The following RNF130 variants were observed in gnomAD, a reference collection of about 807,000 sequenced individuals.
RNF130 encodes ring finger protein 130.
In RNF130, 21 loss-of-function variants were observed where a neutral mutation model predicts 44.6. That is an observed-to-expected ratio of 0.47 (90% confidence interval 0.33 to 0.68). The LOEUF is 0.68. Ranked by LOEUF, RNF130 falls within the 30% of genes least tolerant of loss-of-function variation. The pLI is 0.02. For synonymous variants in RNF130, 214 were observed against 210.4 expected (o/e 1.02, Z -0.15); for missense variants, 479 against 560.6 (o/e 0.85, Z 1.47).
intron 4 of RNF130, among the ~76,000 whole-genome samples, chr5:179,979,190 G>A (rs1409882677): frequency 6.6e-6 from 1 of 151,854 alleles, no homozygotes; most frequent in African/African-American, 2.4e-5. Flanking sequence ...TGTCACCGTG[G>A]TCACCACTCC....
At chr5:179,969,576 A>G (rs1328148127) in intron 6 of RNF130, among the ~76,000 whole-genome samples, 1 of 151,926 alleles carries the variant, frequency 6.6e-6, no homozygotes, top group East Asian at 1.9e-4. Flanking sequence ...ACCCTTTTAA[A>G]AGTGGACCAT....
At chr5:180,028,780 T>C (rs1315822694) in intron 2 of RNF130, among the ~76,000 whole-genome samples, 1 of 152,306 alleles carries the variant, frequency 6.6e-6, no homozygotes, top group African/African-American at 2.4e-5. Flanking sequence ...GTTGATTAAC[T>C]ATTTTTTTGT....
At chr5:179,947,930 GC>G (rs1762069011) in intron 7 of RNF130, among the ~76,000 whole-genome samples, 1 of 152,102 alleles carries the variant, frequency 6.6e-6, no homozygotes, top group Non-Finnish European at 1.5e-5. Context: ...GTGTAGCTCA[GC>G]CCTCAAATAG....
chr5:179,925,111 G>GT (rs1761687442), intron 7 of RNF130, among the ~76,000 whole-genome samples: 1 of 152,192 alleles, frequency 6.6e-6, no homozygotes, highest in Non-Finnish European at 1.5e-5. Context: ...CTCCACAGTG[G>GT]TATCTTTCAT....
intron 5 of RNF130, 80 bp downstream of exon 5, chr5:179,978,123 A>C: frequency 8.1e-7 from 1 of 1,232,748 alleles, no homozygotes; most frequent in South Asian, 1.2e-5. Flanking sequence ...GCTCAAAAGC[A>C]AGGGAGATGC....
chr5:179,961,678 T>C (rs1325819831), intron 8 of RNF130, among the ~76,000 whole-genome samples: 3 of 152,212 alleles, frequency 2.0e-5, no homozygotes, highest in Non-Finnish European at 4.4e-5. Context: ...CTTGTATTAC[T>C]ATCTTGCCTG....
At chr5:180,056,252 GGA>G (rs1764818363) in intron 1 of RNF130, among the ~76,000 whole-genome samples, 1 of 100,980 alleles carries the variant, frequency 9.9e-6, no homozygotes, top group Non-Finnish European at 2.4e-5. Context: ...GTATCTGTGG[GGA>G]AAAAAAAAAA....
chr5:179,981,156 A>C lies in RNF130; in HGVS notation c.694-956T>G, dbSNP rs1349837648. Among the ~76,000 whole-genome samples the C allele has an allele frequency of 2.0e-5, 3 of 147,550 alleles. No homozygotes were observed. The East Asian group carries it at 5.9e-4, about 29-fold the overall frequency. ...GCAAAGTAATAATCTAGTAAAGATA[A>C]ATAGGTGTAAAGAACAGGTATGTGA... On this transcript the variant is annotated intron_variant, in intron 3 of 8. Coordinates refer to ENST00000521389, the MANE Select transcript of RNF130 (RefSeq NM_018434.6).
intron 1 of RNF130, among the ~76,000 whole-genome samples, chr5:180,057,418 G>A (rs1301833446): frequency 6.6e-6 from 1 of 152,178 alleles, no homozygotes; most frequent in Non-Finnish European, 1.5e-5. Context: ...GCATGGTGGT[G>A]CATGCCTGTA....
chr5:179,961,746 T>A (rs1482255755), intron 8 of RNF130, among the ~76,000 whole-genome samples: 1 of 152,190 alleles, frequency 6.6e-6, no homozygotes, highest in Non-Finnish European at 1.5e-5. Flanking sequence ...AGTGTTTCCC[T>A]CTAAACTCAG....
intron 1 of RNF130, among the ~76,000 whole-genome samples, chr5:180,063,660 C>T (rs1765037194): frequency 6.6e-6 from 1 of 152,176 alleles, no homozygotes; most frequent in South Asian, 2.1e-4. Context: ...TGTCTTATTT[C>T]ATTACAAGAA....
At chr5:180,001,921 C>T (rs1025431450) in intron 3 of RNF130, among the ~76,000 whole-genome samples, 15 of 152,198 alleles carry the variant, frequency 9.9e-5, no homozygotes, top group East Asian at 3.9e-4. Context: ...GCTCAGTCAC[C>T]GCTCTATTTC....
At chr5:179,933,398 T>TTGTGTGTGTGTGTTTGTGTG (rs1761839388) in intron 7 of RNF130, among the ~76,000 whole-genome samples, 1 of 143,504 alleles carries the variant, frequency 7.0e-6, no homozygotes, top group South Asian at 2.3e-4. Context: ...ATAACCCTAT[T>TTGTGTGTGTGTGTTTGTGTG]TGTGTGTGTG....
At chr5:179,982,621 A>G (rs1232186811) in intron 3 of RNF130, among the ~76,000 whole-genome samples, 1 of 152,024 alleles carries the variant, frequency 6.6e-6, no homozygotes, top group Non-Finnish European at 1.5e-5. Context: ...TGCTTCCCAA[A>G]CTGGAGTACA....
chr5:180,006,376 G>C (rs1763463334), intron 3 of RNF130, among the ~76,000 whole-genome samples: 1 of 152,108 alleles, frequency 6.6e-6, no homozygotes, highest in African/African-American at 2.4e-5. Context: ...TCTGACACAG[G>C]AATGTTCCAT....
At chr5:179,959,529 G>A (rs1352771513) in intron 8 of RNF130, among the ~76,000 whole-genome samples, 1 of 151,940 alleles carries the variant, frequency 6.6e-6, no homozygotes, top group Non-Finnish European at 1.5e-5. Flanking sequence ...TCAGAAGACT[G>A]AGGCAGATAA....
chr5:180,052,778 G>T (rs1278851679), intron 1 of RNF130, among the ~76,000 whole-genome samples: 1 of 152,188 alleles, frequency 6.6e-6, no homozygotes, highest in African/African-American at 2.4e-5. Context: ...AGTCCCTACG[G>T]AGGATTACAG....
At chr5:179,913,571 T>TG (rs1423093277) in exon 8 of RNF130, 1 of 152,066 alleles carries the variant, frequency 6.6e-6, no homozygotes, top group East Asian at 1.9e-4. Flanking sequence ...CCAAGGCGGG[T>TG]GGCACCTTCC....
chr5:180,031,393 A>G lies in RNF130; in HGVS notation c.442+9060T>C, dbSNP rs1320204029. Among the ~76,000 whole-genome samples, 3 of 152,294 alleles carry G rather than the reference A, an allele frequency of 2.0e-5. No homozygotes were observed. The East Asian group carries it at 5.8e-4, about 29-fold the overall frequency. On this transcript the variant is annotated intron_variant, in intron 2 of 8. Transcript: ENST00000521389. Reference sequence around the variant, plus strand: ...TCCCAGCTACTCGGGAAGCTGAGGCAGGAGAATTGCTTGAACCCAGGAGGC... The same window carrying G: ...TCCCAGCTACTCGGGAAGCTGAGGCGGGAGAATTGCTTGAACCCAGGAGGC...
Sources: gnomAD v4.1 joint callset for allele counts (sites outside exome capture counted in the v4.1 genomes callset) on GRCh38, gnomAD v4.1.1 for gene constraint, MANE v1.5 for transcripts, NCBI Gene and HGNC (gene_info 2026-07-23, HGNC 2026-07-21) for gene names.